STXBP5L: variants seen among roughly 807,000 people sequenced by gnomAD.
STXBP5L encodes syntaxin-binding protein 5-like.
A neutral mutation model predicts 144.5 loss-of-function variants in STXBP5L; 65 were observed. That is an observed-to-expected ratio of 0.45 (90% CI 0.37 to 0.55). STXBP5L has a LOEUF of 0.55. STXBP5L is among the 20% of genes least tolerant of loss of function. STXBP5L has a pLI of 0.00. For synonymous variants in STXBP5L, 505 were observed against 469.6 expected, an observed-to-expected ratio of 1.08 and a Z score of -0.97; for missense variants, 1,298 against 1,405.5, an observed-to-expected ratio of 0.92 and a Z score of 1.22.
rs980171097 is a variant in STXBP5L, at chr3:120,913,380, G to T, written c.189+3613G>T. On this transcript the variant is annotated intron_variant, in intron 2 of 26. Coordinates refer to ENST00000471454, the MANE Select transcript of STXBP5L (RefSeq NM_001308330.2). ...CTAGGCACTTGCATTTTTTTGAATGGCCCCACAGGAGATTTCTATGCACAG... is the reference window on the plus strand; with the variant it reads ...CTAGGCACTTGCATTTTTTTGAATGTCCCCACAGGAGATTTCTATGCACAG... Among the ~76,000 whole-genome samples, 3 of 151,678 alleles carry T rather than the reference G, an allele frequency of 2.0e-5. No individual in the cohort carries two copies. In the South Asian group the frequency reaches 6.2e-4, roughly 31 times the overall value.
At chr3:121,157,842 G>A (rs1292609256) in intron 9 of STXBP5L, 1 of 567,574 alleles carries the variant, frequency 1.8e-6, no homozygotes, top group African/African-American at 2.0e-5. Context: ...TGTTTTGTAA[G>A]CTGTAGTTAT....
At chr3:120,989,514 C>A (rs1942625967) in intron 3 of STXBP5L, among the ~76,000 whole-genome samples, 1 of 151,976 alleles carries the variant, frequency 6.6e-6, no homozygotes, top group Non-Finnish European at 1.5e-5. Flanking sequence ...GTTTGAATTC[C>A]TTGTAGATTC....
chr3:121,048,805 C>T (rs1947710363), intron 5 of STXBP5L, among the ~76,000 whole-genome samples: 2 of 152,072 alleles, frequency 1.3e-5, no homozygotes, highest in South Asian at 4.1e-4. Context: ...CCTGCCTCAG[C>T]CTCCTGAGTA....
rs767242547 is a variant in STXBP5L, at chr3:121,407,646, C to T, written c.2948+43C>T. ...AATTATCTGGTAATCACAACAATAC[C>T]AGCAAGGTACAATCCTAAAAAATAT... On this transcript the variant is annotated intron_variant, in intron 23 of 26. Coordinates refer to ENST00000471454, the MANE Select transcript of STXBP5L (RefSeq NM_001308330.2). 6.2e-6 allele frequency: 10 copies of T among 1,609,518 alleles called. No individual in the cohort carries two copies. In the East Asian group the frequency reaches 1.3e-4, roughly 22 times the overall value.
At chr3:121,184,322 A>AAG (rs1553728600) in intron 9 of STXBP5L, among the ~76,000 whole-genome samples, 3 of 151,248 alleles carry the variant, frequency 2.0e-5, no homozygotes, top group East Asian at 4.0e-4. Context: ...CCTTGAAAAA[A>AAG]GTTAGAGAAA....
intron 3 of STXBP5L, among the ~76,000 whole-genome samples, chr3:121,011,727 A>C (rs1944788304): frequency 6.6e-6 from 1 of 150,860 alleles, no homozygotes; most frequent in South Asian, 2.1e-4. Context: ...CCCCTTTCCC[A>C]TCCAAAGCTG....
At chr3:121,127,683 G>A (rs1315246029) in intron 7 of STXBP5L, among the ~76,000 whole-genome samples, 1 of 151,754 alleles carries the variant, frequency 6.6e-6, no homozygotes, top group Non-Finnish European at 1.5e-5. Context: ...TTCTATTTCT[G>A]AATAAAGTCA....
At chr3:121,042,854 G>C (rs969596986) in intron 4 of STXBP5L, among the ~76,000 whole-genome samples, 1 of 151,712 alleles carries the variant, frequency 6.6e-6, no homozygotes, top group South Asian at 2.1e-4. Flanking sequence ...AGAAAGGAAG[G>C]TAAAGAAAAC....
At chr3:121,340,679 C>T (rs934428078) in intron 20 of STXBP5L, among the ~76,000 whole-genome samples, 3 of 152,028 alleles carry the variant, frequency 2.0e-5, no homozygotes, top group African/African-American at 4.8e-5. Context: ...TTTATGGCTG[C>T]AGAGTATTCC....
intron 3 of STXBP5L, among the ~76,000 whole-genome samples, chr3:121,020,690 C>G (rs1945486247): frequency 6.6e-6 from 1 of 152,006 alleles, no homozygotes; most frequent in Admixed American, 6.6e-5. Flanking sequence ...AAGATACAGT[C>G]TTTTTCAGAC....
chr3:121,157,654 A>AAAC, intron 9 of STXBP5L, 27 bp downstream of exon 9: 1 of 1,580,792 alleles, frequency 6.3e-7, no homozygotes, highest in Non-Finnish European at 8.6e-7. Context: ...CAAAAGGAAT[A>AAAC]AACACTGGCA....
At chr3:121,005,991 A>G (rs941828890) in intron 3 of STXBP5L, among the ~76,000 whole-genome samples, 8 of 152,136 alleles carry the variant, frequency 5.3e-5, no homozygotes, top group African/African-American at 1.4e-4. Flanking sequence ...CACTTTTGGA[A>G]TAGGTATGGT....
chr3:121,248,140 TA>T (rs2049914847), intron 14 of STXBP5L, among the ~76,000 whole-genome samples: 2 of 152,216 alleles, frequency 1.3e-5, no homozygotes, highest in African/African-American at 4.8e-5. Context: ...CTCGGCTCAC[TA>T]CAATCTCTGT....
intron 5 of STXBP5L, among the ~76,000 whole-genome samples, chr3:121,072,621 T>C (rs888509640): frequency 6.6e-6 from 1 of 152,022 alleles, no homozygotes; most frequent in African/African-American, 2.4e-5. Flanking sequence ...AGTTAGGGAG[T>C]TCTGTTAGGG....
intron 9 of STXBP5L, among the ~76,000 whole-genome samples, chr3:121,175,794 A>T (rs1372813744): frequency 6.6e-6 from 1 of 151,966 alleles, no homozygotes; most frequent in Admixed American, 6.6e-5. Flanking sequence ...AAAAAGCAAG[A>T]CTCAACTACA....
Position 121,006,146 on chromosome 3 carries a change from G to A in STXBP5L, c.288-35554G>A, listed in dbSNP as rs190222631. On this transcript the variant is annotated intron_variant, in intron 3 of 26. Coordinates refer to ENST00000471454, the MANE Select transcript of STXBP5L (RefSeq NM_001308330.2). ...CTCGTTGTTCTGTCTAATGTTGACAGTGGGGTGTTAAAGTCTCCCATTATT... is the reference window on the plus strand; with the variant it reads ...CTCGTTGTTCTGTCTAATGTTGACAATGGGGTGTTAAAGTCTCCCATTATT... Among the ~76,000 whole-genome samples, 632 of 152,290 alleles carry A rather than the reference G, an allele frequency of 4.1e-3. 1 individual carries two copies. Among genetic ancestry groups the A allele is most frequent in the African/African-American group, 0.014 (583 of 41,528 alleles).
At chr3:121,361,294 T>C (rs961849785) in intron 20 of STXBP5L, among the ~76,000 whole-genome samples, 15 of 152,168 alleles carry the variant, frequency 9.9e-5, no homozygotes, top group African/African-American at 3.4e-4. Context: ...ATCTTATTGG[T>C]GTTCTATAAT....
chr3:121,018,839 G>A (rs527477530), intron 3 of STXBP5L, among the ~76,000 whole-genome samples: 1 of 152,134 alleles, frequency 6.6e-6, no homozygotes, highest in Non-Finnish European at 1.5e-5. Context: ...ATGAATTACT[G>A]CAGGAACATA....
chr3:120,964,815 C>T (rs1283154141), intron 3 of STXBP5L, among the ~76,000 whole-genome samples: 1 of 152,166 alleles, frequency 6.6e-6, no homozygotes, highest in African/African-American at 2.4e-5. Flanking sequence ...AGTTCAGGTC[C>T]TGGACATCCT....
Sources: allele counts gnomAD v4.1 joint callset (sites outside exome capture counted in the v4.1 genomes callset), GRCh38; gene constraint gnomAD v4.1.1; transcripts MANE v1.5; gene names NCBI Gene and HGNC (gene_info 2026-07-23, HGNC 2026-07-21).